The following SCN4B variants were observed in gnomAD, a reference collection of about 807,000 sequenced individuals.
The protein encoded by SCN4B is sodium voltage-gated channel beta subunit 4.
Under a neutral mutation model 19.6 loss-of-function variants are expected in SCN4B, and 20 were observed. The ratio of observed to expected loss-of-function variants is 1.02; its 90% CI spans 0.72 to 1.48. SCN4B has a LOEUF of 1.48. SCN4B is among the 40% of genes most tolerant of loss of function. The pLI, the probability that SCN4B is intolerant of heterozygous loss-of-function variation, is 0.00. For missense variants in SCN4B, 271 were observed against 287.5 expected (o/e 0.94, Z 0.42); for synonymous variants, 127 against 122.8 (o/e 1.03, Z -0.22).
At chr11:118,152,143 G>T (rs1948239172) in intron 1 of SCN4B, among the ~76,000 whole-genome samples, 1 of 152,194 alleles carries the variant, frequency 6.6e-6, no homozygotes, top group African/African-American at 2.4e-5. Flanking sequence ...CCAGGAAGAA[G>T]GGGACTCCCC....
In SCN4B at chr11:118,135,303, C is replaced by T. The variant is rs1031521303; in HGVS notation, c.*1724G>A. On this transcript the variant is annotated 3_prime_UTR_variant, in exon 5 of 5. Transcript: ENST00000324727. ...GCACCCTGCAGGTACTACTGGTCCT[C>T]AGTCTCCCCCCACTCCACCCTTGCG... The T allele has an allele frequency of 1.3e-5, 6 of 454,008 alleles. No individual in the cohort carries two copies. Among genetic ancestry groups the T allele is most frequent in the African/African-American group, 1.2e-4 (6 of 50,002 alleles). The allele number at this position is 454,008 out of a possible 1,614,324, so 28.1% of individuals were successfully genotyped here. A position where few individuals can be genotyped will look rare whatever the true frequency, so the allele number is the denominator to read the frequency against.
chr11:118,134,539 G>A lies in SCN4B; in HGVS notation c.*2488C>T, dbSNP rs1334848711. 4.4e-6 allele frequency: 2 copies of A among 454,046 alleles called. No individual in the cohort carries two copies. The highest frequency in any genetic ancestry group is 8.8e-6 in the Non-Finnish European group (2 of 226,786). 28.1% of individuals were successfully genotyped at this position (454,046 alleles called of 1,614,324 possible). A position where few individuals can be genotyped will look rare whatever the true frequency, so the allele number is the denominator to read the frequency against. On this transcript the variant is annotated 3_prime_UTR_variant, in exon 5 of 5. Transcript: ENST00000324727. ...CTTAGTAGTGCCCCCACGCATGGGGGCAACCAAAAATGCCCCCCCTACAAT... is the reference window on the plus strand; with the variant it reads ...CTTAGTAGTGCCCCCACGCATGGGGACAACCAAAAATGCCCCCCCTACAAT...
In SCN4B at chr11:118,148,096, A is replaced by G. The variant is rs1948200116; in HGVS notation, c.62-2867T>C. On this transcript the variant is annotated intron_variant, in intron 1 of 4. Coordinates refer to ENST00000324727, the MANE Select transcript of SCN4B (RefSeq NM_174934.4). This position sits in a 1 kb window ranked among gnomAD's most constrained non-coding sequence, Gnocchi z 4.0. ...GCACCTATGTGGATGACTTAAGTCC[A>G]ATACACTCAGGACTCTGCAAGTGAA... Among the ~76,000 whole-genome samples, 1 of 152,246 alleles carries G rather than the reference A, an allele frequency of 6.6e-6. No homozygotes were observed. The highest frequency in any genetic ancestry group is 1.5e-5 in the Non-Finnish European group (1 of 68,042).
intron 1 of SCN4B, among the ~76,000 whole-genome samples, chr11:118,150,837 T>C (rs189812944): frequency 3.5e-4 from 53 of 152,314 alleles, no homozygotes; most frequent in South Asian, 1.0e-3. Context: ...TCAGTCAGTA[T>C]TACCTGGTCA....
At chr11:118,144,926 G>A in intron 2 of SCN4B, 131 bp downstream of exon 2, 1 of 875,608 alleles carries the variant, frequency 1.1e-6, no homozygotes, top group East Asian at 2.4e-5. Flanking sequence ...AAGAATACTG[G>A]GAGAAAGGGT....
chr11:118,139,542 G>GTACAGTGCCTTGCA (rs1565454353), intron 4 of SCN4B, among the ~76,000 whole-genome samples: 1 of 151,872 alleles, frequency 6.6e-6, no homozygotes, highest in South Asian at 2.1e-4. Flanking sequence ...ATAGCATCTG[G>GTACAGTGCCTTGCA]CACAGTGCCT....
In SCN4B at chr11:118,136,975, G is replaced by T; in HGVS notation, c.*52C>A. 1 of 1,273,980 alleles carries T rather than the reference G, an allele frequency of 7.8e-7. No homozygotes were observed. The highest frequency in any genetic ancestry group is 1.2e-5 in the South Asian group (1 of 83,246). 78.9% of individuals were successfully genotyped at this position (1,273,980 alleles called of 1,614,324 possible). On this transcript the variant is annotated 3_prime_UTR_variant, in exon 5 of 5. Transcript: ENST00000324727. ...TTCTACGGTCGGGGCTCAAGCATCA[G>T]TTTCATCATCAGAAAGGGGGCTCCC...
Position 118,141,242 on chromosome 11 carries a change from G to A in SCN4B, c.558C>T (p.Leu186=). 1 of 1,612,976 alleles carries A rather than the reference G, an allele frequency of 6.2e-7. No homozygotes were observed. Among genetic ancestry groups the A allele is most frequent in the Non-Finnish European group, 8.5e-7 (1 of 1,180,004 alleles). Reference sequence around the variant, plus strand: ...GAGTCTTCTTCAGGATGAAGATGATGAGTTTCTTGATCAGCAGGATGAGGA... The same window carrying A: ...GAGTCTTCTTCAGGATGAAGATGATAAGTTTCTTGATCAGCAGGATGAGGA... The part of the protein sequence containing the change: ...LLILILLIKK[L]IIFILKKTRE... Residue 186 remains leucine (L), a synonymous_variant, in exon 4 of 5, where the codon CTC becomes CTT. Coordinates refer to ENST00000324727, the MANE Select transcript of SCN4B (RefSeq NM_174934.4).
intron 4 of SCN4B, among the ~76,000 whole-genome samples, chr11:118,140,855 A>AT (rs757955868): frequency 1.2e-4 from 18 of 151,776 alleles, no homozygotes; most frequent in Non-Finnish European, 1.8e-4. Flanking sequence ...ATTTTCACTG[A>AT]TTTTTTCAAA....
At position 118,134,270 on chromosome 11, in the gene SCN4B, C is replaced by T. The variant is rs1232026663; in HGVS notation, c.*2757G>A. ...GAGCTCAGAACTTTGTCTTTAGTCT[C>T]GCTGACATCACTCAGCCCAGCTGCA... On this transcript the variant is annotated 3_prime_UTR_variant, in exon 5 of 5. Coordinates refer to ENST00000324727, the MANE Select transcript of SCN4B (RefSeq NM_174934.4). The T allele has an allele frequency of 2.6e-5, 12 of 454,018 alleles. No homozygotes were observed. Among genetic ancestry groups the T allele is most frequent in the East Asian group, 2.1e-4 (3 of 14,408 alleles). 28.1% of individuals were successfully genotyped at this position (454,018 alleles called of 1,614,324 possible).
chr11:118,141,083 C>A, intron 4 of SCN4B, 124 bp downstream of exon 4: 1 of 1,091,682 alleles, frequency 9.2e-7, no homozygotes, highest in Middle Eastern at 2.8e-4. Flanking sequence ...AGGGATAGAA[C>A]AGAGAGCGGT....
At position 118,134,475 on chromosome 11, in the gene SCN4B, A is replaced by T. The variant is rs1947965231; in HGVS notation, c.*2552T>A. The T allele has an allele frequency of 2.2e-6, 1 of 453,978 alleles. No homozygotes were observed. The highest frequency in any genetic ancestry group is 4.4e-6 in the Non-Finnish European group (1 of 226,798). 28.1% of individuals were successfully genotyped at this position (453,978 alleles called of 1,614,324 possible). Reference sequence around the variant, plus strand: ...TCCATGGGTATAATGTTGACATGGGACAGGATGATTCTTTGTTGTGGGGAC... The same window carrying T: ...TCCATGGGTATAATGTTGACATGGGTCAGGATGATTCTTTGTTGTGGGGAC... On this transcript the variant is annotated 3_prime_UTR_variant, in exon 5 of 5. Transcript: ENST00000324727.
At position 118,152,787 on chromosome 11, in the gene SCN4B, G is replaced by A. The variant is rs1948247663; in HGVS notation, c.-114C>T. The stretch of plus-strand genomic sequence containing the variant: ...CAAAGCTACCCCGGAGCTCTGCGCC[G>A]CCGGTCGGGGCTCGGGAAAGTTAGC... On this transcript the variant is annotated 5_prime_UTR_variant, in exon 1 of 5. Coordinates refer to ENST00000324727, the MANE Select transcript of SCN4B (RefSeq NM_174934.4). 9.6e-6 allele frequency: 7 copies of A among 727,922 alleles called. No individual in the cohort carries two copies. In the South Asian group the frequency reaches 1.5e-4, roughly 16 times the overall value. The allele number at this position is 727,922 out of a possible 1,614,324, so 45.1% of individuals were successfully genotyped here. A position where few individuals can be genotyped will look rare whatever the true frequency, so the allele number is the denominator to read the frequency against.
Position 118,143,627 on chromosome 11 carries a change from G to GAGAGGCTA in SCN4B, c.463+205_463+206insTAGCCTCT, listed in dbSNP as rs45555339. Among the ~76,000 whole-genome samples the GAGAGGCTA allele has an allele frequency of 0.7, 106,333 of 151,476 alleles. 37,765 individuals carry two copies. Among genetic ancestry groups the GAGAGGCTA allele is most frequent in the East Asian group, 0.89 (4,529 of 5,114 alleles). ...TTACAGATGAGGAAAACGAGGCTTA[G>GAGAGGCTA]AGAGTATTTCATAAGCTATTTGGTA... On this transcript the variant is annotated intron_variant, in intron 3 of 4. Transcript: ENST00000324727.
rs1246344139 is a variant in SCN4B at position 118,144,010 on chromosome 11, T to C, written c.286A>G (p.Lys96Glu). The change falls in exon 3 of 5, where the codon AAA becomes GAA. Residue 96 changes from lysine (K) to glutamate (E), a missense_variant. Physicochemically the swap from Lys to Glu is moderately conservative, Grantham distance 56 (BLOSUM62 1). Transcript: ENST00000324727. ...ACCAGAGTGATGCGGTCATCGTCTT[T>C]CAACGTCACCTTGGGGTCAGACTTC... is the stretch of plus-strand genomic sequence containing the variant. ...NEKSDPKVTL[K>E]DDDRITLVGS... 1 of 1,614,192 alleles carries C rather than the reference T, an allele frequency of 6.2e-7. No homozygotes were observed. The highest frequency in any genetic ancestry group is 2.2e-5 in the East Asian group (1 of 44,894).
Position 118,137,016 on chromosome 11 carries a change from C to G in SCN4B, c.*11G>C, listed in dbSNP as rs774052029. On this transcript the variant is annotated 3_prime_UTR_variant, in exon 5 of 5. Coordinates refer to ENST00000324727, the MANE Select transcript of SCN4B (RefSeq NM_174934.4). ...GGGGGCTCCCTGCAGCTGCTCAGCCCGAAGCAGGGCTCACACTTTTGAAGG... is the reference window on the plus strand; with the variant it reads ...GGGGGCTCCCTGCAGCTGCTCAGCCGGAAGCAGGGCTCACACTTTTGAAGG... 2 of 1,601,188 alleles carry G rather than the reference C, an allele frequency of 1.2e-6. No individual in the cohort carries two copies. The highest frequency in any genetic ancestry group is 3.3e-5 in the Admixed American group (2 of 59,990).
intron 2 of SCN4B, 98 bp downstream of exon 2, chr11:118,144,953 TGGGGAC>T: frequency 8.5e-7 from 1 of 1,179,446 alleles, no homozygotes; most frequent in South Asian, 1.2e-5. Context: ...AGGTGGGTTC[TGGGGAC>T]CATCGCAGTG....
In SCN4B at chr11:118,134,951, G is replaced by T. The variant is rs945651773; in HGVS notation, c.*2076C>A. On this transcript the variant is annotated 3_prime_UTR_variant, in exon 5 of 5. Coordinates refer to ENST00000324727, the MANE Select transcript of SCN4B (RefSeq NM_174934.4). ...CATCTAGAAATCAGCAGTAGACCCTGGGGAGGAAAGAGAGGATGGTGCCCT... is the reference window on the plus strand; with the variant it reads ...CATCTAGAAATCAGCAGTAGACCCTTGGGAGGAAAGAGAGGATGGTGCCCT... 2.2e-5 allele frequency: 10 copies of T among 453,996 alleles called. No individual in the cohort carries two copies. The highest frequency in any genetic ancestry group is 4.4e-5 in the Non-Finnish European group (10 of 226,798). 28.1% of individuals were successfully genotyped at this position (453,996 alleles called of 1,614,324 possible).
At chr11:118,152,160 C>T (rs1395097984) in intron 1 of SCN4B, among the ~76,000 whole-genome samples, 1 of 152,158 alleles carries the variant, frequency 6.6e-6, no homozygotes, top group Non-Finnish European at 1.5e-5. Context: ...CCCCCACCCC[C>T]AACTGGTGCA....
Sources: gnomAD v4.1 joint callset for allele counts (sites outside exome capture counted in the v4.1 genomes callset) on GRCh38, gnomAD v4.1.1 for gene constraint, Gnocchi (gnomAD v3.1) non-coding constraint, MANE v1.5 for transcripts, NCBI Gene and HGNC (gene_info 2026-07-23, HGNC 2026-07-21) for gene names.